The following ADAMTSL2 variants were observed in gnomAD, a reference collection of about 807,000 sequenced individuals.
ADAMTSL2 encodes ADAMTS like 2.
ADAMTSL2 carries 55 observed loss-of-function variants against 117.0 expected under a neutral mutation model. The observed-to-expected ratio is 0.47, with a 90% CI of 0.38 to 0.59. The LOEUF (loss-of-function observed/expected upper bound fraction) is 0.59. Ranked by LOEUF, ADAMTSL2 falls within the 20% of genes least tolerant of loss-of-function variation. The pLI is 0.00. For synonymous variants in ADAMTSL2, 572 were observed against 566.4 expected (o/e 1.01, Z -0.14); for missense variants, 1,182 against 1,354.5 (o/e 0.87, Z 2.00).
rs1431912265 is a variant in ADAMTSL2 at position 133,568,415 on chromosome 9, C to A, written c.2017C>A (p.Arg673=). 11 of 1,608,050 alleles carry A rather than the reference C, an allele frequency of 6.8e-6. No homozygotes were observed. The highest frequency in any genetic ancestry group is 7.6e-6 in the Non-Finnish European group (9 of 1,178,128). The change falls in exon 14 of 19, where the codon CGG becomes AGG. Residue 673 remains arginine (R), a synonymous_variant. Coordinates refer to ENST00000651351, the MANE Select transcript of ADAMTSL2 (RefSeq NM_014694.4). ...SDLCEAAEAV[R]PEERKTCRNP... ...CCTGTGCGAGGCAGCCGAGGCCGTG[C>A]GGCCCGAGGAACGCAAGACCTGCCG...
chr9:133,543,458 G>A (rs1011407321), intron 7 of ADAMTSL2, among the ~76,000 whole-genome samples: 1 of 152,252 alleles, frequency 6.6e-6, no homozygotes, highest in Admixed American at 6.5e-5. Context: ...TTTACACCAC[G>A]GAAATTGGCC....
At position 133,554,578 on chromosome 9, in the gene ADAMTSL2, C is replaced by T. The variant is rs762086890; in HGVS notation, c.1161C>T (p.Gly387=). 1.3e-6 allele frequency: 2 copies of T among 1,546,604 alleles called. No individual in the cohort carries two copies. The highest frequency in any genetic ancestry group is 1.7e-6 in the Non-Finnish European group (2 of 1,146,126). The change falls in exon 10 of 19, where the codon GGC becomes GGT. Residue 387 remains glycine (G), a synonymous_variant. Coordinates refer to ENST00000651351, the MANE Select transcript of ADAMTSL2 (RefSeq NM_014694.4). This position sits in a 1 kb window ranked among gnomAD's most constrained non-coding sequence, Gnocchi z 5.2. The stretch of plus-strand genomic sequence containing the variant: ...TGGGCCTGGACAACCGGCTGTTCGG[C>T]CACCCGGGCCTGGACATGGAGCTGG... The part of the protein sequence containing the change: ...ERLGLDNRLF[G]HPGLDMELGP...
intron 12 of ADAMTSL2, among the ~76,000 whole-genome samples, chr9:133,562,750 A>AC (rs1313456715): frequency 6.9e-5 from 7 of 101,574 alleles, no homozygotes; most frequent in Admixed American, 1.0e-4. Flanking sequence ...CGTGGTGGGC[A>AC]CCGGCTTGGC....
At chr9:133,564,611 A>G (rs981131695) in intron 12 of ADAMTSL2, among the ~76,000 whole-genome samples, 2,647 of 38,436 alleles carry the variant, frequency 0.069, 143 homozygotes, top group Non-Finnish European at 0.11. Context: ...AGAGAGGGAG[A>G]GAGAGAGAGA....
rs113994124 is a variant in ADAMTSL2, at chr9:133,570,346, G to A, written c.2431G>A (p.Gly811Arg). Residue 811 changes from glycine (G) to arginine (R), a missense_variant, in exon 17 of 19, where the codon GGG becomes AGG. Gly to Arg is a moderately radical substitution (Grantham distance 125). This residue lies in a region of ADAMTSL2 where 465 missense variants were observed against 565.3 expected (regional missense o/e 0.82). Transcript: ENST00000651351. ...QDWERCNTTC[G>R]RGVKKRLVLC... ...CCGGCCTCAGTGCAACACCACCTGC[G>A]GGCGCGGGGTCAAGAAGCGGCTGGT... 1 of 1,547,184 alleles carries A rather than the reference G, an allele frequency of 6.5e-7. No homozygotes were observed. Among genetic ancestry groups the A allele is most frequent in the Non-Finnish European group, 8.7e-7 (1 of 1,147,432 alleles).
chr9:133,548,728 TC>T (rs1830413732), intron 9 of ADAMTSL2, among the ~76,000 whole-genome samples: 1 of 151,892 alleles, frequency 6.6e-6, no homozygotes, highest in Non-Finnish European at 1.5e-5. Flanking sequence ...GAGAGACAGC[TC>T]CCCCTGGCTG....
At chr9:133,568,235 TGGG>T (rs1243616002) in intron 13 of ADAMTSL2, 35 bp from the exon 14 acceptor site, 54 of 1,539,962 alleles carry the variant, frequency 3.5e-5, no homozygotes, top group Admixed American at 5.8e-5. Context: ...CCGGCTGCCA[TGGG>T]GGGGATCATT....
At chr9:133,563,813 A>G (rs867033854) in intron 12 of ADAMTSL2, among the ~76,000 whole-genome samples, 167 of 71,356 alleles carry the variant, frequency 2.3e-3, no homozygotes, top group Middle Eastern at 0.01. Context: ...GAGAGAGAGA[A>G]AGGGGGAGAG....
At chr9:133,573,779 C>T (rs1831164803) in intron 17 of ADAMTSL2, 64 bp from the exon 18 acceptor site, 2 of 1,603,122 alleles carry the variant, frequency 1.2e-6, no homozygotes, top group Non-Finnish European at 8.5e-7. Context: ...GGTTCCCCGC[C>T]CCCTGCCCAG....
Position 133,539,876 on chromosome 9 carries a change from A to G in ADAMTSL2, c.412+3A>G. 1 of 1,550,808 alleles carries G rather than the reference A, an allele frequency of 6.4e-7. No individual in the cohort carries two copies. Among genetic ancestry groups the G allele is most frequent in the South Asian group, 1.2e-5 (1 of 84,056 alleles). ...CCAGTGGAAGCCTCTGTACCCGGGT[A>G]CCTGCCGCCCTGGGGACCCACCTTG... is the stretch of plus-strand genomic sequence containing the variant. On this transcript the variant is annotated splice_donor_region_variant and intron_variant, in intron 5 of 18. Coordinates refer to ENST00000651351, the MANE Select transcript of ADAMTSL2 (RefSeq NM_014694.4).
chr9:133,540,728 G>A lies in ADAMTSL2; in HGVS notation c.543G>A (p.Val181=). 2 of 1,613,922 alleles carry A rather than the reference G, an allele frequency of 1.2e-6. No individual in the cohort carries two copies. The highest frequency in any genetic ancestry group is 1.7e-6 in the Non-Finnish European group (2 of 1,180,048). ...TCACTGACCTGCGAGGGGTTTGCGT[G>A]TCTGGAAAATGTGAGGTTGTTAAAC... ...CKLTDLRGVC[V]SGKCEPIGCD... The change falls in exon 6 of 19, where the codon GTG becomes GTA. Residue 181 remains valine (V), a synonymous_variant. Transcript: ENST00000651351.
rs773841074 is a variant in ADAMTSL2, at chr9:133,547,141, C to T, written c.867C>T (p.Pro289=). Residue 289 remains proline, a synonymous_variant, in exon 9 of 19, where the codon CCC becomes CCT. Coordinates refer to ENST00000651351, the MANE Select transcript of ADAMTSL2 (RefSeq NM_014694.4). ...IAGTVVKYRR[P]MDVYETGIEY... ...GCACGGTGGTCAAGTACAGGCGGCC[C>T]ATGGATGTCTATGAGACCGGAATCG... 9.9e-6 allele frequency: 16 copies of T among 1,614,160 alleles called. No individual in the cohort carries two copies. In the East Asian group the frequency reaches 3.6e-4, roughly 36 times the overall value.
chr9:133,566,572 G>A (rs1156739042), intron 12 of ADAMTSL2, among the ~76,000 whole-genome samples: 1 of 152,186 alleles, frequency 6.6e-6, no homozygotes, highest in Non-Finnish European at 1.5e-5. Context: ...ACTCCCGCCT[G>A]CCTGTCCACC....
chr9:133,556,304 C>T (rs971035471), intron 11 of ADAMTSL2, among the ~76,000 whole-genome samples: 17 of 152,326 alleles, frequency 1.1e-4, no homozygotes, highest in East Asian at 5.8e-4. Flanking sequence ...TCGTCACAAC[C>T]GCCCTTAGTG....
Position 133,554,355 on chromosome 9 carries a change from A to T in ADAMTSL2, c.940-2A>T. The T allele has an allele frequency of 6.5e-7, 1 of 1,547,854 alleles. No individual in the cohort carries two copies. ...GCTGGGGACCCACTTCTCTTTCCCT[A>T]GGTGTGGAACCAGAACGGCAAAAGC... On this transcript the variant is annotated splice_acceptor_variant, in intron 9 of 18. Transcript: ENST00000651351. LOFTEE classifies it high-confidence loss of function. This position sits in a 1 kb window ranked among gnomAD's most constrained non-coding sequence, Gnocchi z 5.2.
chr9:133,571,567 C>T (rs937748762), intron 17 of ADAMTSL2, among the ~76,000 whole-genome samples: 1 of 152,200 alleles, frequency 6.6e-6, no homozygotes, highest in Non-Finnish European at 1.5e-5. Context: ...TCCAGAGCCT[C>T]GCCATGTGCC....
At chr9:133,555,967 C>G in intron 11 of ADAMTSL2, 37 bp downstream of exon 11, 1 of 1,602,792 alleles carries the variant, frequency 6.2e-7, no homozygotes, top group Non-Finnish European at 8.5e-7. Context: ...CCAGGGCCCT[C>G]AGGGGGCAGG....
chr9:133,545,609 G>T (rs1830329497), intron 8 of ADAMTSL2, among the ~76,000 whole-genome samples: 1 of 152,234 alleles, frequency 6.6e-6, no homozygotes, highest in Non-Finnish European at 1.5e-5. Context: ...GGGGAGCCGG[G>T]CCTCTCGCCA....
Position 133,572,292 on chromosome 9 carries a change from G to A in ADAMTSL2, c.2593-1551G>A, listed in dbSNP as rs911168536. ...GTTGCCCACCAAAGGACCCCCGAGTGAGGAGGGGAAAGGCTGAGGGTGGGC... is the reference window on the plus strand; with the variant it reads ...GTTGCCCACCAAAGGACCCCCGAGTAAGGAGGGGAAAGGCTGAGGGTGGGC... On this transcript the variant is annotated intron_variant, in intron 17 of 18. Transcript: ENST00000651351. 5.3e-4 allele frequency among the ~76,000 whole-genome samples: 81 copies of A among 152,256 alleles called. 1 individual carries two copies. In the Middle Eastern group the frequency reaches 0.014, roughly 26 times the overall value.
Sources: gnomAD v4.1 joint callset for allele counts (sites outside exome capture counted in the v4.1 genomes callset) on GRCh38, gnomAD v4.1.1 for gene constraint, gnomAD v4.1.1 regional missense constraint, Gnocchi (gnomAD v3.1) non-coding constraint, MANE v1.5 for transcripts, NCBI Gene and HGNC (gene_info 2026-07-23, HGNC 2026-07-21) for gene names.